Variants in CATSPER3 observed in about 807,000 individuals in gnomAD.
The protein encoded by CATSPER3 is cation channel sperm associated 3.
CATSPER3 carries 23 observed loss-of-function variants against 36.6 expected under a neutral mutation model. The observed-to-expected ratio is 0.63, with a 90% confidence interval of 0.45 to 0.89. The LOEUF (loss-of-function observed/expected upper bound fraction) is 0.89, where lower values mean the gene tolerates loss of function less well. CATSPER3 is among the 40% of genes least tolerant of loss of function. The pLI, the probability that CATSPER3 is intolerant of heterozygous loss-of-function variation, is 0.00. For missense variants in CATSPER3, 474 were observed against 503.9 expected, an observed-to-expected ratio of 0.94 and a Z score of 0.57; for synonymous variants, 172 against 184.1, an observed-to-expected ratio of 0.93 and a Z score of 0.53.
chr5:134,983,569 G>A (rs1369500536), intron 2 of CATSPER3, among the ~76,000 whole-genome samples: 1 of 152,042 alleles, frequency 6.6e-6, no homozygotes, highest in Non-Finnish European at 1.5e-5. Context: ...ATACAAATAG[G>A]TTGAAAGTGA....
chr5:135,011,377 C>A, intron 7 of CATSPER3, 144 bp from the exon 8 acceptor site: 2 of 701,838 alleles, frequency 2.8e-6, no homozygotes, highest in Non-Finnish European at 5.1e-6. Context: ...TCCAAGATTC[C>A]AACCCAGCCT....
At chr5:135,006,219 C>T (rs947983409) in intron 3 of CATSPER3, among the ~76,000 whole-genome samples, 4 of 152,176 alleles carry the variant, frequency 2.6e-5, no homozygotes, top group African/African-American at 9.7e-5. Flanking sequence ...AGAACTTGGC[C>T]AACTCTAGCT....
At chr5:135,005,359 T>C (rs1029871808) in intron 3 of CATSPER3, among the ~76,000 whole-genome samples, 1 of 152,164 alleles carries the variant, frequency 6.6e-6, no homozygotes, top group Non-Finnish European at 1.5e-5. Flanking sequence ...TTTGGCCTCA[T>C]GGTTTTTCTG....
chr5:134,978,943 C>T (rs886781483), intron 2 of CATSPER3, among the ~76,000 whole-genome samples: 1 of 151,932 alleles, frequency 6.6e-6, no homozygotes, highest in African/African-American at 2.4e-5. Flanking sequence ...AGGATGGTCT[C>T]GATCTCCTGA....
intron 2 of CATSPER3, among the ~76,000 whole-genome samples, chr5:134,976,106 A>C (rs1406000330): frequency 6.6e-6 from 1 of 152,240 alleles, no homozygotes; most frequent in Non-Finnish European, 1.5e-5. Flanking sequence ...TAGTTTTTGC[A>C]TTGCTATAAA....
At chr5:134,976,123 C>A (rs1580902890) in intron 2 of CATSPER3, among the ~76,000 whole-genome samples, 1 of 152,090 alleles carries the variant, frequency 6.6e-6, no homozygotes, top group Admixed American at 6.5e-5. Flanking sequence ...TAAAGAAATA[C>A]CTGAGGCTGG....
intron 2 of CATSPER3, among the ~76,000 whole-genome samples, chr5:134,993,601 G>A (rs1284804169): frequency 1.3e-5 from 2 of 151,926 alleles, no homozygotes; most frequent in East Asian, 3.9e-4. Context: ...GTACAGATAC[G>A]GTAGATATCA....
rs535967166 is a variant in CATSPER3, at chr5:134,978,821, G to A, written c.252+8729G>A. On this transcript the variant is annotated intron_variant, in intron 2 of 7. Coordinates refer to ENST00000282611, the MANE Select transcript of CATSPER3 (RefSeq NM_178019.3). ...TGCAAGCTCCGCCTACCAGGTTCAC[G>A]CCATCCTCCTGCCTCAGCCTCCTGA... is the stretch of plus-strand genomic sequence containing the variant. Among the ~76,000 whole-genome samples the A allele has an allele frequency of 5.9e-5, 9 of 151,692 alleles. No homozygotes were observed. In the East Asian group the frequency reaches 7.8e-4, roughly 13 times the overall value.
intron 3 of CATSPER3, among the ~76,000 whole-genome samples, chr5:134,998,737 A>G (rs1043272123): frequency 6.6e-6 from 1 of 152,150 alleles, no homozygotes; most frequent in African/African-American, 2.4e-5. Flanking sequence ...GTGTCTGTTC[A>G]TATCCTTTGC....
chr5:134,986,385 C>T (rs1751808560), intron 2 of CATSPER3, among the ~76,000 whole-genome samples: 1 of 151,650 alleles, frequency 6.6e-6, no homozygotes, highest in Non-Finnish European at 1.5e-5. Context: ...CTCAGGTGAT[C>T]CACTCACCTC....
chr5:134,994,810 G>A (rs192159646), intron 2 of CATSPER3, among the ~76,000 whole-genome samples: 33 of 151,972 alleles, frequency 2.2e-4, no homozygotes, highest in African/African-American at 7.5e-4. Context: ...TTTTCTCCCT[G>A]GGGCTCTTGG....
At position 135,007,621 on chromosome 5, in the gene CATSPER3, C is replaced by T. The variant is rs546797899; in HGVS notation, c.493-336C>T. ...CCTCAGCTGAGAAGCAAAAGCAGGACGCCCTGAGATGACCACACAGCCAGG... is the reference window on the plus strand; with the variant it reads ...CCTCAGCTGAGAAGCAAAAGCAGGATGCCCTGAGATGACCACACAGCCAGG... On this transcript the variant is annotated intron_variant, in intron 3 of 7. Transcript: ENST00000282611. 1.1e-3 allele frequency among the ~76,000 whole-genome samples: 160 copies of T among 152,308 alleles called. 1 individual carries two copies. Among genetic ancestry groups the T allele is most frequent in the Non-Finnish European group, 1.7e-3 (117 of 68,024 alleles).
chr5:135,011,110 G>A (rs559166344), intron 7 of CATSPER3, among the ~76,000 whole-genome samples: 18 of 152,278 alleles, frequency 1.2e-4, no homozygotes, highest in African/African-American at 4.3e-4. Context: ...TGGGCACTAG[G>A]GAGCTACAGT....
intron 2 of CATSPER3, among the ~76,000 whole-genome samples, chr5:134,988,408 G>T (rs540491900): frequency 6.6e-6 from 1 of 152,304 alleles, no homozygotes; most frequent in South Asian, 2.1e-4. Flanking sequence ...AATGCTGTTT[G>T]TTGAAATATT....
chr5:135,010,714 G>C (rs965750386), intron 7 of CATSPER3, among the ~76,000 whole-genome samples, 184 bp downstream of exon 7: 5 of 152,242 alleles, frequency 3.3e-5, no homozygotes, highest in Middle Eastern at 3.4e-3. Flanking sequence ...CTGTGTGGAC[G>C]GGCCATGGCT....
At chr5:135,009,761 T>A (rs547585126) in intron 6 of CATSPER3, among the ~76,000 whole-genome samples, 1 of 152,346 alleles carries the variant, frequency 6.6e-6, no homozygotes. Context: ...CTGGGCCCTT[T>A]GGGGCCAGGC....
intron 3 of CATSPER3, among the ~76,000 whole-genome samples, chr5:134,996,742 C>T (rs1045585890): frequency 6.6e-6 from 1 of 152,232 alleles, no homozygotes; most frequent in Non-Finnish European, 1.5e-5. Context: ...GGTCACCCAG[C>T]GGTGCAATGT....
At position 134,969,943 on chromosome 5, in the gene CATSPER3, A is replaced by C; in HGVS notation, c.103A>C (p.Asn35His). The change falls in exon 2 of 8, where the codon AAC (asparagine) becomes CAC (histidine). Residue 35 changes from asparagine to histidine, a missense_variant. By Grantham distance (68) the Asn-to-His change is moderately conservative. Coordinates refer to ENST00000282611, the MANE Select transcript of CATSPER3 (RefSeq NM_178019.3). ...TCACATTCAACTTTTTGACAGGAGG[A>C]ACGATGATGAATGTCGGGCATTTGT... ...FCPTFKKFKR[N>H]DDECRAFVKR... The C allele has an allele frequency of 6.2e-7, 1 of 1,614,126 alleles. No individual in the cohort carries two copies. The highest frequency in any genetic ancestry group is 8.5e-7 in the Non-Finnish European group (1 of 1,180,018).
At chr5:134,968,466 G>A (rs891319855) in intron 1 of CATSPER3, 7 of 284,636 alleles carry the variant, frequency 2.5e-5, no homozygotes, top group Admixed American at 2.0e-4. Flanking sequence ...AGGCTGGGGC[G>A]GATCACTTGA....
Sources: allele counts gnomAD v4.1 joint callset (sites outside exome capture counted in the v4.1 genomes callset), GRCh38; gene constraint gnomAD v4.1.1; transcripts MANE v1.5; gene names NCBI Gene and HGNC (gene_info 2026-07-23, HGNC 2026-07-21).